The following DLG2 variants were observed in gnomAD, a reference collection of about 807,000 sequenced individuals.
The protein encoded by DLG2 is disks large homolog 2.
DLG2 carries 45 observed loss-of-function variants against 132.5 expected under a neutral mutation model. The ratio of observed to expected loss-of-function variants is 0.34; its 90% CI spans 0.27 to 0.44. The LOEUF is 0.44. Among genes scored for constraint, DLG2 ranks in the 20% least tolerant of loss-of-function variants. DLG2 has a pLI of 1.00. For missense variants in DLG2, 1,045 were observed against 1,196.9 expected (o/e 0.87, Z 1.87); for synonymous variants, 424 against 419.6 (o/e 1.01, Z -0.13).
intron 6 of DLG2, among the ~76,000 whole-genome samples, chr11:84,979,839 CA>C (rs1269508611): frequency 7.3e-5 from 11 of 150,860 alleles, no homozygotes; most frequent in Non-Finnish European, 1.6e-4. Flanking sequence ...AAAAAAAAAA[CA>C]AAAAAACTAG....
At chr11:85,495,731 C>G (rs2093655208) in intron 3 of DLG2, among the ~76,000 whole-genome samples, 1 of 152,158 alleles carries the variant, frequency 6.6e-6, no homozygotes, top group East Asian at 1.9e-4. Context: ...GGCAATTCCT[C>G]AAGGATCTAG....
chr11:84,493,385 T>C (rs2099170292), intron 7 of DLG2, among the ~76,000 whole-genome samples: 1 of 152,186 alleles, frequency 6.6e-6, no homozygotes, highest in Admixed American at 6.5e-5. Flanking sequence ...GGTTTTGTAA[T>C]TGGTGTGTTT....
intron 6 of DLG2, among the ~76,000 whole-genome samples, chr11:85,027,878 C>A (rs1203844016): frequency 6.6e-6 from 1 of 152,150 alleles, no homozygotes; most frequent in African/African-American, 2.4e-5. Flanking sequence ...CTTCTCATCA[C>A]CCATAATGTG....
intron 6 of DLG2, among the ~76,000 whole-genome samples, chr11:84,590,100 C>T (rs1467163129): frequency 6.6e-6 from 1 of 152,164 alleles, no homozygotes; most frequent in Non-Finnish European, 1.5e-5. Context: ...AATCAATGTC[C>T]TACCCTGTTG....
chr11:84,758,071 T>C (rs1052191969), intron 6 of DLG2, among the ~76,000 whole-genome samples: 2 of 152,230 alleles, frequency 1.3e-5, no homozygotes, highest in Non-Finnish European at 2.9e-5. Context: ...GGTTATCACT[T>C]GTAAATCTGA....
intron 8 of DLG2, among the ~76,000 whole-genome samples, chr11:84,216,115 C>A (rs10898214): frequency 6.6e-6 from 1 of 151,996 alleles, no homozygotes; most frequent in Non-Finnish European, 1.5e-5. Context: ...GGCTGTGTTC[C>A]TAATATAAGG....
intron 8 of DLG2, among the ~76,000 whole-genome samples, chr11:84,227,500 T>C (rs1302844001): frequency 4.6e-5 from 7 of 152,214 alleles, no homozygotes; most frequent in Non-Finnish European, 1.5e-5. Context: ...ACAGCATCTG[T>C]AAGAATATAG....
At chr11:83,876,242 G>C (rs1168481812) in intron 15 of DLG2, among the ~76,000 whole-genome samples, 2 of 152,042 alleles carry the variant, frequency 1.3e-5, no homozygotes, top group Non-Finnish European at 2.9e-5. Context: ...GCTCTCACAT[G>C]GTAAAGCTAT....
At chr11:84,433,782 G>A (rs973212084) in intron 7 of DLG2, among the ~76,000 whole-genome samples, 2 of 152,092 alleles carry the variant, frequency 1.3e-5, no homozygotes, top group East Asian at 1.9e-4. Flanking sequence ...AAATGCCAAC[G>A]TTAAGGTTAA....
intron 6 of DLG2, among the ~76,000 whole-genome samples, chr11:84,922,824 C>G (rs962509338): frequency 8.7e-5 from 13 of 150,134 alleles, no homozygotes; most frequent in Non-Finnish European, 1.3e-4. Context: ...CTTCCCCCCT[C>G]TCCACCCCCC....
At chr11:85,078,036 C>A (rs1044271170) in intron 6 of DLG2, among the ~76,000 whole-genome samples, 1 of 151,848 alleles carries the variant, frequency 6.6e-6, no homozygotes, top group South Asian at 2.1e-4. Flanking sequence ...GGTATTATTA[C>A]CTTTTTTACA....
intron 6 of DLG2, among the ~76,000 whole-genome samples, chr11:85,052,933 C>T (rs2063043320): frequency 6.6e-6 from 1 of 152,130 alleles, no homozygotes; most frequent in Non-Finnish European, 1.5e-5. Flanking sequence ...TAGCTAAAGC[C>T]TTTCTTAAAT....
chr11:83,738,634 C>T (rs2092224158), intron 18 of DLG2, among the ~76,000 whole-genome samples: 1 of 152,184 alleles, frequency 6.6e-6, no homozygotes. Flanking sequence ...CCAACTATCA[C>T]CAAAGTTGTC....
intron 19 of DLG2, among the ~76,000 whole-genome samples, chr11:83,605,939 C>T (rs557028286): frequency 3.3e-5 from 5 of 152,324 alleles, no homozygotes; most frequent in South Asian, 2.1e-4. Context: ...TCTAAACTGT[C>T]GCTGTGATTT....
chr11:84,284,576 T>A (rs975536521), intron 7 of DLG2, among the ~76,000 whole-genome samples: 2 of 152,174 alleles, frequency 1.3e-5, no homozygotes, highest in African/African-American at 4.8e-5. Context: ...GGACCCCAGG[T>A]CTTGTTTGCA....
intron 9 of DLG2, among the ~76,000 whole-genome samples, chr11:84,142,315 A>T (rs912853146): frequency 1.4e-5 from 1 of 72,414 alleles, no homozygotes; most frequent in African/African-American, 5.3e-5. Context: ...GTGAGAATCC[A>T]TCTCAAAAAA....
chr11:83,848,443 T>C (rs1348532963), intron 16 of DLG2, among the ~76,000 whole-genome samples: 2 of 152,236 alleles, frequency 1.3e-5, no homozygotes, highest in African/African-American at 4.8e-5. Flanking sequence ...TGCTCCAGAA[T>C]GAAATCATTA....
chr11:85,562,635 T>C (rs565920361), intron 3 of DLG2, among the ~76,000 whole-genome samples: 4 of 151,906 alleles, frequency 2.6e-5, no homozygotes, highest in African/African-American at 9.6e-5. Context: ...CTATTGTTTA[T>C]TTCAGAATTG....
At chr11:85,420,655 C>T (rs2090220767) in intron 3 of DLG2, among the ~76,000 whole-genome samples, 1 of 152,234 alleles carries the variant, frequency 6.6e-6, no homozygotes, top group Non-Finnish European at 1.5e-5. Context: ...CAGAGATGCA[C>T]TCTGGCTACA....
Sources: gnomAD v4.1 joint callset for allele counts (sites outside exome capture counted in the v4.1 genomes callset) on GRCh38, gnomAD v4.1.1 for gene constraint, MANE v1.5 for transcripts, NCBI Gene and HGNC (gene_info 2026-07-23, HGNC 2026-07-21) for gene names.